Variants in PDZRN4 observed in about 807,000 individuals in gnomAD.
PDZRN4 encodes the protein PDZ domain containing ring finger 4, also known as PDZ domain-containing RING finger protein 4.
Under a neutral mutation model 99.0 loss-of-function variants are expected in PDZRN4, and 70 were observed. The observed-to-expected ratio is 0.71, with a 90% confidence interval of 0.58 to 0.86. The LOEUF (loss-of-function observed/expected upper bound fraction) is 0.86, where lower values mean the gene tolerates loss of function less well. Among genes scored for constraint, PDZRN4 ranks in the 40% least tolerant of loss-of-function variants. The pLI is 0.00. For missense variants in PDZRN4, 1,474 were observed against 1,331.2 expected (o/e 1.11, Z -1.67); for synonymous variants, 551 against 501.6 (o/e 1.10, Z -1.32).
chr12:41,449,495 T>C (rs559085179), intron 3 of PDZRN4, among the ~76,000 whole-genome samples: 1 of 152,182 alleles, frequency 6.6e-6, no homozygotes, highest in African/African-American at 2.4e-5. Context: ...CACAATAGCA[T>C]AATAAGATGG....
chr12:41,281,592 T>C (rs191782367), intron 3 of PDZRN4, among the ~76,000 whole-genome samples: 5 of 152,104 alleles, frequency 3.3e-5, no homozygotes, highest in Admixed American at 6.6e-5. Context: ...AATAGCCAAA[T>C]TGATCAAGTG....
intron 3 of PDZRN4, among the ~76,000 whole-genome samples, chr12:41,249,522 A>G (rs1004356112): frequency 6.6e-6 from 1 of 152,160 alleles, no homozygotes; most frequent in East Asian, 1.9e-4. Context: ...TTTGGGGAAG[A>G]AGGTACCTGA....
chr12:41,189,171 A>G, intron 1 of PDZRN4, 68 bp downstream of exon 1: 1 of 1,440,904 alleles, frequency 6.9e-7, no homozygotes, highest in Non-Finnish European at 9.4e-7. Context: ...GTTCTTTCTG[A>G]CGCTTCAGGA....
chr12:41,204,324 G>A (rs1264545687), intron 3 of PDZRN4, among the ~76,000 whole-genome samples: 1 of 151,980 alleles, frequency 6.6e-6, no homozygotes, highest in African/African-American at 2.4e-5. Context: ...GACGGAGAGA[G>A]ACAAAAGGCT....
intron 3 of PDZRN4, among the ~76,000 whole-genome samples, chr12:41,472,931 A>G (rs966718620): frequency 1.3e-5 from 2 of 152,356 alleles, no homozygotes; most frequent in Admixed American, 6.5e-5. Context: ...ATGTTAAAGT[A>G]TTAGGTTTTT....
intron 3 of PDZRN4, among the ~76,000 whole-genome samples, chr12:41,358,966 T>C (rs910609200): frequency 2.0e-5 from 3 of 151,988 alleles, no homozygotes; most frequent in Non-Finnish European, 2.9e-5. Context: ...TTATTTAATT[T>C]AATGATTAAA....
intron 3 of PDZRN4, among the ~76,000 whole-genome samples, chr12:41,488,514 C>G (rs1313015520): frequency 6.6e-6 from 1 of 152,100 alleles, no homozygotes; most frequent in East Asian, 1.9e-4. Flanking sequence ...CTTCTCAATC[C>G]TTGTCATATG....
At chr12:41,522,242 G>A (rs180883821) in intron 5 of PDZRN4, among the ~76,000 whole-genome samples, 46 of 152,138 alleles carry the variant, frequency 3.0e-4, no homozygotes, top group African/African-American at 1.1e-3. Context: ...ATCACTTCCT[G>A]TCTGATAGAC....
chr12:41,327,951 T>C (rs1951720673), intron 3 of PDZRN4, among the ~76,000 whole-genome samples: 1 of 152,156 alleles, frequency 6.6e-6, no homozygotes, highest in African/African-American at 2.4e-5. Flanking sequence ...AATTAAAATA[T>C]TTTTAATTTT....
Position 41,567,778 on chromosome 12 carries a change from T to C in PDZRN4, c.1468-5T>C. ...AATATAATGTACTAATGTATTCTTT[T>C]GCAGCTGGATGAAGGCTGGCTGGAA... On this transcript the variant is annotated splice_polypyrimidine_tract_variant and splice_region_variant and intron_variant, in intron 8 of 9. Transcript: ENST00000402685. 6.3e-7 allele frequency: 1 copy of C among 1,586,814 alleles called. No homozygotes were observed. The highest frequency in any genetic ancestry group is 8.6e-7 in the Non-Finnish European group (1 of 1,156,898).
intron 4 of PDZRN4, 122 bp downstream of exon 4, chr12:41,506,834 T>C: frequency 9.2e-7 from 1 of 1,084,746 alleles, no homozygotes; most frequent in Middle Eastern, 2.5e-4. Context: ...CCCAGCTCCG[T>C]TTGGAAAATG....
At chr12:41,338,179 A>G (rs180812917) in intron 3 of PDZRN4, among the ~76,000 whole-genome samples, 182 of 152,264 alleles carry the variant, frequency 1.2e-3, no homozygotes, top group African/African-American at 2.8e-3. Flanking sequence ...ACTATAGTAT[A>G]TAATTTTGTT....
At chr12:41,348,223 G>T (rs1166569020) in intron 3 of PDZRN4, among the ~76,000 whole-genome samples, 1 of 152,130 alleles carries the variant, frequency 6.6e-6, no homozygotes, top group Non-Finnish European at 1.5e-5. Flanking sequence ...GGAGTGTACA[G>T]CATTGCTGAT....
At chr12:41,491,628 A>G (rs1937888764) in intron 3 of PDZRN4, among the ~76,000 whole-genome samples, 3 of 152,202 alleles carry the variant, frequency 2.0e-5, no homozygotes, top group Admixed American at 2.0e-4. Context: ...TTAGTGGATC[A>G]CTGGGAGAGC....
intron 3 of PDZRN4, among the ~76,000 whole-genome samples, chr12:41,414,043 A>C (rs1398064784): frequency 6.6e-6 from 1 of 152,104 alleles, no homozygotes; most frequent in Non-Finnish European, 1.5e-5. Flanking sequence ...GCTTGTCTGA[A>C]AAAAAATTTA....
chr12:41,342,105 A>T (rs1227662985), intron 3 of PDZRN4, among the ~76,000 whole-genome samples: 2 of 151,970 alleles, frequency 1.3e-5, no homozygotes, highest in Non-Finnish European at 2.9e-5. Flanking sequence ...GGAAAAAGAT[A>T]GTTTATTCAA....
chr12:41,396,505 G>A (rs902478838), intron 3 of PDZRN4, among the ~76,000 whole-genome samples: 1 of 152,100 alleles, frequency 6.6e-6, no homozygotes, highest in Admixed American at 6.6e-5. Context: ...ACCCAAAATT[G>A]TAGCAGCTAA....
chr12:41,297,914 G>A (rs1187168200), intron 3 of PDZRN4, among the ~76,000 whole-genome samples: 3 of 152,126 alleles, frequency 2.0e-5, no homozygotes, highest in Non-Finnish European at 2.9e-5. Flanking sequence ...GAGGAAGATC[G>A]ATTAAAACAA....
intron 3 of PDZRN4, among the ~76,000 whole-genome samples, chr12:41,210,079 G>A (rs951282322): frequency 1.3e-5 from 2 of 152,056 alleles, no homozygotes; most frequent in African/African-American, 2.4e-5. Context: ...GTTTTGATTT[G>A]CATTTCTCTG....
Sources: gnomAD v4.1 joint callset for allele counts (sites outside exome capture counted in the v4.1 genomes callset) on GRCh38, gnomAD v4.1.1 for gene constraint, MANE v1.5 for transcripts, NCBI Gene and HGNC (gene_info 2026-07-23, HGNC 2026-07-21) for gene names.